AR: variants seen among roughly 807,000 people sequenced by gnomAD.
AR encodes the protein dihydrotestosterone receptor.
AR carries 8 observed loss-of-function variants against 53.9 expected under a neutral mutation model. The ratio of observed to expected loss-of-function variants is 0.15; its 90% CI spans 0.09 to 0.27. The LOEUF (loss-of-function observed/expected upper bound fraction) is 0.27. Ranked by LOEUF, AR falls within the 10% of genes least tolerant of loss-of-function variation. The probability of loss-of-function intolerance (pLI) is 1.00; values close to 1 mark genes in which losing one functional copy is unlikely to be tolerated. For synonymous variants in AR, 359 were observed against 316.4 expected (o/e 1.13, Z -1.43); for missense variants, 639 against 742.5 (o/e 0.86, Z 1.62).
chrX:67,563,751 T>A (rs1191066556), intron 1 of AR, among the ~76,000 whole-genome samples: 1 of 112,390 alleles, frequency 8.9e-6, no homozygotes, highest in Non-Finnish European at 1.9e-5. Flanking sequence ...TGATGTGTGC[T>A]TCAAAGTGTG....
chrX:67,643,728 G>A (rs1388480587), intron 2 of AR, among the ~76,000 whole-genome samples: 1 of 111,951 alleles, frequency 8.9e-6, no homozygotes, highest in Non-Finnish European at 1.9e-5. Context: ...TACTCTGCTG[G>A]CTAGTAAAGG....
intron 1 of AR, among the ~76,000 whole-genome samples, chrX:67,613,437 A>C (rs1923972731): frequency 9.0e-6 from 1 of 110,848 alleles, no homozygotes; most frequent in Non-Finnish European, 1.9e-5. Context: ...GGTGGTGAGC[A>C]ATTAAGAGTG....
intron 2 of AR, among the ~76,000 whole-genome samples, chrX:67,655,962 C>T (rs757899661): frequency 2.7e-5 from 3 of 111,861 alleles, no homozygotes; most frequent in South Asian, 3.7e-4. Flanking sequence ...GCTATTTATA[C>T]GGATAATTTG....
At chrX:67,634,357 G>A (rs1367138059) in intron 1 of AR, among the ~76,000 whole-genome samples, 3 of 111,477 alleles carry the variant, frequency 2.7e-5, no homozygotes, top group Non-Finnish European at 3.8e-5. Flanking sequence ...CATTTATTAA[G>A]CACTGTGTCC....
At chrX:67,670,273 T>C (rs941952344) in intron 2 of AR, among the ~76,000 whole-genome samples, 1 of 90,223 alleles carries the variant, frequency 1.1e-5, no homozygotes, top group African/African-American at 4.0e-5. Context: ...AATCCACTAC[T>C]AAAGAACTCA....
intron 3 of AR, among the ~76,000 whole-genome samples, chrX:67,704,648 T>G (rs1390437168): frequency 1.8e-5 from 2 of 112,027 alleles, no homozygotes; most frequent in African/African-American, 6.5e-5. Context: ...CTCTTTAGTT[T>G]AATTAGATCC....
chrX:67,561,928 G>GTTTT (rs757161392), intron 1 of AR, among the ~76,000 whole-genome samples: 10 of 78,270 alleles, frequency 1.3e-4, no homozygotes, highest in African/African-American at 2.8e-4. Flanking sequence ...AACGAAAGAG[G>GTTTT]TTTTTTTTTT....
At chrX:67,685,204 G>A (rs957207064) in intron 2 of AR, among the ~76,000 whole-genome samples, 8 of 111,835 alleles carry the variant, frequency 7.2e-5, no homozygotes, top group Non-Finnish European at 1.3e-4. Context: ...GTCAATCCAC[G>A]TTTGCTGAGA....
chrX:67,671,877 T>C (rs2088498380), intron 2 of AR, among the ~76,000 whole-genome samples: 2 of 111,840 alleles, frequency 1.8e-5, no homozygotes, highest in Non-Finnish European at 3.8e-5. Context: ...TTGTTTGTTT[T>C]TGTCAAGTTT....
rs759641594 is a variant in AR at position 67,663,264 on chromosome X, G to A, written c.1768+19857G>A. On this transcript the variant is annotated intron_variant, in intron 2 of 7. Coordinates refer to ENST00000374690, the MANE Select transcript of AR (RefSeq NM_000044.6). ...GTATGTTTTTGCAGTGGCTGGTACC[G>A]GTTGTTCCTTTCCATGTTTAGTGCT... Among the ~76,000 whole-genome samples the A allele has an allele frequency of 1.3e-4, 14 of 111,997 alleles. No individual in the cohort carries two copies. In the South Asian group the frequency reaches 1.9e-3, roughly 15 times the overall value.
At chrX:67,649,228 T>C (rs1015354996) in intron 2 of AR, among the ~76,000 whole-genome samples, 3 of 112,562 alleles carry the variant, frequency 2.7e-5, no homozygotes, top group Non-Finnish European at 5.6e-5. Flanking sequence ...GACTGCATAG[T>C]ATTCCATGGT....
intron 3 of AR, chrX:67,695,483 G>C: frequency 1.3e-6 from 1 of 753,872 alleles, no homozygotes; most frequent in South Asian, 6.8e-5. Context: ...CACATCACAT[G>C]CTTCTCTTCA....
intron 1 of AR, among the ~76,000 whole-genome samples, chrX:67,574,288 T>C (rs1284211241): frequency 9.0e-6 from 1 of 111,693 alleles, no homozygotes; most frequent in African/African-American, 3.3e-5. Context: ...GACTTGGATC[T>C]GGCTTTCATT....
intron 7 of AR, 37 bp downstream of exon 7, chrX:67,723,021 C>A (rs200924872): frequency 1.7e-4 from 200 of 1,200,678 alleles, no homozygotes; most frequent in Non-Finnish European, 1.2e-4. Context: ...TCAGGGAGAA[C>A]AGCCTGATAG....
At chrX:67,587,701 A>G (rs981306797) in intron 1 of AR, among the ~76,000 whole-genome samples, 3 of 111,394 alleles carry the variant, frequency 2.7e-5, no homozygotes, top group African/African-American at 9.8e-5. Context: ...AACTGGCTAG[A>G]TTTGGGTTAT....
chrX:67,591,515 A>G (rs1020508904), intron 1 of AR, among the ~76,000 whole-genome samples: 3 of 111,611 alleles, frequency 2.7e-5, no homozygotes, highest in Non-Finnish European at 5.6e-5. Flanking sequence ...ATGAAAGCTT[A>G]ATCTTTAAGA....
intron 1 of AR, among the ~76,000 whole-genome samples, chrX:67,607,796 T>C (rs1390713644): frequency 1.8e-5 from 2 of 112,179 alleles, no homozygotes; most frequent in Non-Finnish European, 3.8e-5. Flanking sequence ...TTTCACAAGC[T>C]GGAGTTCCAC....
chrX:67,583,116 G>T (rs1276504263), intron 1 of AR, among the ~76,000 whole-genome samples: 1 of 111,809 alleles, frequency 8.9e-6, no homozygotes, highest in East Asian at 2.8e-4. Flanking sequence ...AAGAAAAAGT[G>T]TCAACTGTAA....
rs766300510 is a variant in AR, at chrX:67,702,025, G to A, written c.1886-9377G>A. On this transcript the variant is annotated intron_variant, in intron 3 of 7. Transcript: ENST00000374690. Reference sequence around the variant, plus strand: ...GTTAGAAGTAGGGTTCAGGGCTTCAGATTCCTTGGGGAGGCAGTAGAGAGA... The same window carrying A: ...GTTAGAAGTAGGGTTCAGGGCTTCAAATTCCTTGGGGAGGCAGTAGAGAGA... Among the ~76,000 whole-genome samples the A allele has an allele frequency of 1.1e-4, 12 of 111,572 alleles. No individual in the cohort carries two copies. In the East Asian group the frequency reaches 3.4e-3, roughly 32 times the overall value.
Sources: gnomAD v4.1 joint callset for allele counts (sites outside exome capture counted in the v4.1 genomes callset) on GRCh38, gnomAD v4.1.1 for gene constraint, MANE v1.5 for transcripts, NCBI Gene and HGNC (gene_info 2026-07-23, HGNC 2026-07-21) for gene names.